The following PARVA variants were observed in gnomAD, a reference collection of about 807,000 sequenced individuals.
The protein encoded by PARVA is alpha-parvin.
Under a neutral mutation model 52.6 loss-of-function variants are expected in PARVA, and 25 were observed. The observed-to-expected ratio is 0.48, with a 90% CI of 0.35 to 0.66. PARVA has a LOEUF of 0.66. PARVA is among the 30% of genes least tolerant of loss of function. PARVA has a pLI of 0.01. For missense variants in PARVA, 373 were observed against 450.9 expected (o/e 0.83, Z 1.56); for synonymous variants, 185 against 179.1 (o/e 1.03, Z -0.26).
intron 1 of PARVA, among the ~76,000 whole-genome samples, chr11:12,422,023 A>C (rs558046471): frequency 1.3e-5 from 2 of 152,344 alleles, no homozygotes; most frequent in South Asian, 4.1e-4. Context: ...ATTCCAGCCA[A>C]GAAAGGACTT....
At chr11:12,462,517 G>A (rs186732085) in intron 1 of PARVA, among the ~76,000 whole-genome samples, 144 of 152,284 alleles carry the variant, frequency 9.5e-4, no homozygotes, top group African/African-American at 3.2e-3. Context: ...AAGGAACACA[G>A]CCCTGCTGAC....
intron 4 of PARVA, among the ~76,000 whole-genome samples, chr11:12,489,041 T>C (rs1294353373): frequency 6.6e-6 from 1 of 152,038 alleles, no homozygotes; most frequent in Admixed American, 6.5e-5. Flanking sequence ...TGTTGAGCTA[T>C]AGACTGGGTA....
chr11:12,449,193 G>A lies in PARVA; in HGVS notation c.137-24552G>A, dbSNP rs560638065. ...ATTTTTTGGAGACAGTCTCCCCGTC[G>A]CCCAGGCTGGAGGGCAGTGGCGCAA... On this transcript the variant is annotated intron_variant, in intron 1 of 12. Transcript: ENST00000334956. Among the ~76,000 whole-genome samples, 13 of 151,148 alleles carry A rather than the reference G, an allele frequency of 8.6e-5. No homozygotes were observed. In the South Asian group the frequency reaches 2.1e-3, roughly 24 times the overall value.
At chr11:12,474,296 C>T (rs533895584) in intron 3 of PARVA, among the ~76,000 whole-genome samples, 3 of 152,154 alleles carry the variant, frequency 2.0e-5, no homozygotes, top group African/African-American at 4.8e-5. Context: ...CAAAAGCAGG[C>T]AGTGGAGCAG....
At chr11:12,491,674 TTA>T (rs971291299) in intron 4 of PARVA, among the ~76,000 whole-genome samples, 2 of 152,212 alleles carry the variant, frequency 1.3e-5, no homozygotes, top group Non-Finnish European at 2.9e-5. Flanking sequence ...AATTTTAAAC[TTA>T]TATGTACTTT....
chr11:12,497,325 A>T (rs1379561425), intron 5 of PARVA, among the ~76,000 whole-genome samples: 2 of 152,242 alleles, frequency 1.3e-5, no homozygotes, highest in African/African-American at 4.8e-5. Flanking sequence ...ATATGAATTT[A>T]GATTAATAAA....
intron 1 of PARVA, among the ~76,000 whole-genome samples, chr11:12,448,057 A>G (rs1237076279): frequency 1.3e-5 from 2 of 152,178 alleles, no homozygotes; most frequent in South Asian, 2.1e-4. Context: ...GGTATCTTTC[A>G]TATAGGAGGT....
chr11:12,385,782 TTCTTC>T, intron 1 of PARVA, among the ~76,000 whole-genome samples: 1 of 152,296 alleles, frequency 6.6e-6, no homozygotes, highest in East Asian at 1.9e-4. Flanking sequence ...CTTCTTTTGT[TTCTTC>T]TCAGCTATTG....
chr11:12,392,845 G>A (rs1288358815), intron 1 of PARVA, among the ~76,000 whole-genome samples: 2 of 152,108 alleles, frequency 1.3e-5, no homozygotes, highest in Admixed American at 1.3e-4. Context: ...GGTACACACT[G>A]GATCTCCTTC....
chr11:12,526,719 A>G (rs775430261), intron 12 of PARVA, among the ~76,000 whole-genome samples: 2 of 152,092 alleles, frequency 1.3e-5, no homozygotes, highest in Non-Finnish European at 2.9e-5. Flanking sequence ...GCTTTTCTTT[A>G]TAATTTTATT....
intron 1 of PARVA, among the ~76,000 whole-genome samples, chr11:12,387,945 A>G (rs1435087492): frequency 6.6e-6 from 1 of 152,224 alleles, no homozygotes; most frequent in East Asian, 1.9e-4. Flanking sequence ...CCAAAACTCT[A>G]TAGGAGAGAT....
chr11:12,469,184 A>AT (rs1940896953), intron 1 of PARVA, among the ~76,000 whole-genome samples: 2 of 152,160 alleles, frequency 1.3e-5, no homozygotes, highest in Non-Finnish European at 2.9e-5. Context: ...TCCACAGCTG[A>AT]TAAAAATAGA....
chr11:12,447,460 G>A (rs1342286994), intron 1 of PARVA, among the ~76,000 whole-genome samples: 5 of 152,260 alleles, frequency 3.3e-5, no homozygotes, highest in Non-Finnish European at 7.4e-5. Context: ...GCCGAGCCCC[G>A]AGCCCGGTAG....
At chr11:12,507,692 G>A (rs112842654) in intron 6 of PARVA, among the ~76,000 whole-genome samples, 40 of 152,236 alleles carry the variant, frequency 2.6e-4, no homozygotes, top group African/African-American at 8.4e-4. Context: ...ACTTTCTGCC[G>A]AGGGTGACCA....
chr11:12,517,616 G>T lies in PARVA; in HGVS notation c.874G>T (p.Asp292Tyr). 1 of 1,594,154 alleles carries T rather than the reference G, an allele frequency of 6.3e-7. No individual in the cohort carries two copies. Among genetic ancestry groups the T allele is most frequent in the Non-Finnish European group, 8.5e-7 (1 of 1,169,678 alleles). ...CACCTGGCTCTTCCTCCAGTTTGCA[G>T]ATGGGGTGTACCTGGTGCTGCTCAT... ...EVTELETQFADGVYLVLLMGL... is the reference protein window; with the variant it reads ...EVTELETQFAYGVYLVLLMGL... The change falls in exon 11 of 13, where the codon GAT (aspartate) becomes TAT (tyrosine). Residue 292 changes from aspartate to tyrosine, a missense_variant. Transcript: ENST00000334956.
intron 1 of PARVA, among the ~76,000 whole-genome samples, chr11:12,390,023 TGAGG>T (rs1939634657): frequency 6.6e-6 from 1 of 152,204 alleles, no homozygotes; most frequent in African/African-American, 2.4e-5. Flanking sequence ...GAGCTGTGAA[TGAGG>T]CTCTTCATGA....
At chr11:12,410,721 G>A (rs1939981383) in intron 1 of PARVA, among the ~76,000 whole-genome samples, 2 of 152,182 alleles carry the variant, frequency 1.3e-5, no homozygotes, top group South Asian at 4.1e-4. Context: ...TCCTCCAGTG[G>A]AAAACTACTG....
chr11:12,423,351 GTTTT>G (rs869105706), intron 1 of PARVA, among the ~76,000 whole-genome samples: 4 of 104,712 alleles, frequency 3.8e-5, no homozygotes, highest in Non-Finnish European at 3.8e-5. Context: ...GCTAATTTTT[GTTTT>G]TTTTTTTTTT....
rs553868533 is a variant in PARVA at position 12,494,255 on chromosome 11, T to C, written c.401-2203T>C. ...CGGCCAGAGTTTTTATGAAGTGTCATTAAGTAGGCATAACTGATTAAATCA... is the reference window on the plus strand; with the variant it reads ...CGGCCAGAGTTTTTATGAAGTGTCACTAAGTAGGCATAACTGATTAAATCA... On this transcript the variant is annotated intron_variant, in intron 4 of 12. Coordinates refer to ENST00000334956, the MANE Select transcript of PARVA (RefSeq NM_018222.5). 5.9e-5 allele frequency among the ~76,000 whole-genome samples: 9 copies of C among 152,324 alleles called. No homozygotes were observed. In the East Asian group the frequency reaches 1.7e-3, roughly 29 times the overall value.
Sources: allele counts gnomAD v4.1 joint callset (sites outside exome capture counted in the v4.1 genomes callset), GRCh38; gene constraint gnomAD v4.1.1; transcripts MANE v1.5; gene names NCBI Gene and HGNC (gene_info 2026-07-23, HGNC 2026-07-21).